Variants in LRRC4C observed in about 807,000 individuals in gnomAD.
LRRC4C encodes leucine rich repeat containing 4C, also known as leucine-rich repeat-containing protein 4C.
A neutral mutation model predicts 33.6 loss-of-function variants in LRRC4C; 5 were observed. The observed-to-expected ratio is 0.15, with a 90% CI of 0.08 to 0.31. LRRC4C has a LOEUF of 0.31. LRRC4C is among the 10% of genes least tolerant of loss of function. The probability of loss-of-function intolerance (pLI) is 1.00; values close to 1 mark genes in which losing one functional copy is unlikely to be tolerated. For missense variants in LRRC4C, 560 were observed against 796.7 expected, an observed-to-expected ratio of 0.70 and a Z score of 3.58; for synonymous variants, 329 against 302.0, an observed-to-expected ratio of 1.09 and a Z score of -0.93.
chr11:41,047,667 T>G (rs1390409501), intron 1 of LRRC4C, among the ~76,000 whole-genome samples: 2 of 152,226 alleles, frequency 1.3e-5, no homozygotes, highest in Non-Finnish European at 2.9e-5. Flanking sequence ...GAAATGCTCA[T>G]GACTCCTTGT....
intron 1 of LRRC4C, among the ~76,000 whole-genome samples, chr11:41,441,764 G>A (rs1488848964): frequency 6.6e-6 from 1 of 152,044 alleles, no homozygotes; most frequent in Non-Finnish European, 1.5e-5. Flanking sequence ...CCTTGACACT[G>A]TTAAGTCACA....
intron 2 of LRRC4C, among the ~76,000 whole-genome samples, chr11:40,792,501 G>A (rs527436759): frequency 1.3e-5 from 2 of 152,260 alleles, no homozygotes; most frequent in East Asian, 3.9e-4. Context: ...GTGTTGGAGA[G>A]GATGTGGAGA....
chr11:41,297,436 C>A (rs537451065), intron 1 of LRRC4C, among the ~76,000 whole-genome samples: 2 of 152,032 alleles, frequency 1.3e-5, no homozygotes, highest in African/African-American at 4.8e-5. Flanking sequence ...GCTCTATTTT[C>A]TTGGAAGAAT....
chr11:41,266,007 T>C (rs567795558), intron 1 of LRRC4C, among the ~76,000 whole-genome samples: 1 of 152,236 alleles, frequency 6.6e-6, no homozygotes, highest in Non-Finnish European at 1.5e-5. Flanking sequence ...TTATATCACA[T>C]GGTAGCTGGG....
At chr11:40,987,803 A>G (rs1853182681) in intron 1 of LRRC4C, among the ~76,000 whole-genome samples, 1 of 151,410 alleles carries the variant, frequency 6.6e-6, no homozygotes, top group Non-Finnish European at 1.5e-5. Context: ...CTCCTCACTT[A>G]CCACCCCATG....
At chr11:40,755,804 G>A (rs1948920358) in intron 2 of LRRC4C, among the ~76,000 whole-genome samples, 1 of 151,984 alleles carries the variant, frequency 6.6e-6, no homozygotes, top group East Asian at 1.9e-4. Context: ...GCAGCAATAA[G>A]GCAAAATAAA....
chr11:40,518,326 C>G (rs903316653), intron 3 of LRRC4C, among the ~76,000 whole-genome samples: 1 of 152,066 alleles, frequency 6.6e-6, no homozygotes, highest in African/African-American at 2.4e-5. Flanking sequence ...AACAGGCAAC[C>G]TACAGAATGG....
At chr11:41,435,737 T>C (rs565618088) in intron 1 of LRRC4C, among the ~76,000 whole-genome samples, 3 of 152,352 alleles carry the variant, frequency 2.0e-5, no homozygotes, top group Non-Finnish European at 4.4e-5. Flanking sequence ...GTGGGTTTCA[T>C]ATAGCACTAT....
intron 3 of LRRC4C, among the ~76,000 whole-genome samples, chr11:40,394,921 C>T (rs577811171): frequency 1.3e-5 from 2 of 152,146 alleles, no homozygotes; most frequent in Admixed American, 1.3e-4. Context: ...ACCTTGACGG[C>T]CTTAATGGTA....
At chr11:41,107,020 A>G (rs1590608414) in intron 1 of LRRC4C, among the ~76,000 whole-genome samples, 1 of 151,420 alleles carries the variant, frequency 6.6e-6, no homozygotes, top group East Asian at 1.9e-4. Flanking sequence ...TTTAAAAAAA[A>G]AATTAAATAC....
chr11:40,251,511 C>A (rs1275429656), intron 4 of LRRC4C, among the ~76,000 whole-genome samples: 2 of 152,138 alleles, frequency 1.3e-5, no homozygotes, highest in African/African-American at 2.4e-5. Flanking sequence ...CTTCCCCCAG[C>A]CTCATGCCCC....
At chr11:41,113,391 G>T (rs2135715725) in intron 1 of LRRC4C, among the ~76,000 whole-genome samples, 1 of 152,190 alleles carries the variant, frequency 6.6e-6, no homozygotes, top group East Asian at 1.9e-4. Flanking sequence ...CGGGCTGTGA[G>T]TTTACATTAA....
At position 40,876,368 on chromosome 11, in the gene LRRC4C, C is replaced by G. The variant is rs540747639; in HGVS notation, c.-407+57267G>C. On this transcript the variant is annotated intron_variant, in intron 2 of 6. Transcript: ENST00000528697. Reference sequence around the variant, plus strand: ...GAGAAAGAAGATCCTGGCTCAGTCTCGTTCAAAGTCCCTGATAATGTTTGA... The same window carrying G: ...GAGAAAGAAGATCCTGGCTCAGTCTGGTTCAAAGTCCCTGATAATGTTTGA... Among the ~76,000 whole-genome samples, 14 of 146,390 alleles carry G rather than the reference C, an allele frequency of 9.6e-5. No individual in the cohort carries two copies. In the South Asian group the frequency reaches 1.3e-3, roughly 14 times the overall value.
intron 5 of LRRC4C, among the ~76,000 whole-genome samples, chr11:40,141,947 T>A (rs180899155): frequency 5.3e-5 from 8 of 152,270 alleles, no homozygotes; most frequent in African/African-American, 1.9e-4. Context: ...CAAAATGTAT[T>A]TTAAAGATGA....
chr11:41,294,913 C>CA (rs1565555948), intron 1 of LRRC4C, among the ~76,000 whole-genome samples: 1 of 152,152 alleles, frequency 6.6e-6, no homozygotes. Context: ...TAAAGCCTAA[C>CA]AATCCCTCTT....
intron 2 of LRRC4C, among the ~76,000 whole-genome samples, chr11:40,700,329 T>C (rs1945807826): frequency 6.6e-6 from 1 of 152,138 alleles, no homozygotes; most frequent in Non-Finnish European, 1.5e-5. Flanking sequence ...TATTGTAATA[T>C]TCATTTACCT....
At chr11:40,442,007 C>G (rs1327878043) in intron 3 of LRRC4C, among the ~76,000 whole-genome samples, 3 of 151,498 alleles carry the variant, frequency 2.0e-5, no homozygotes, top group Non-Finnish European at 2.9e-5. Flanking sequence ...CTAAAAAATA[C>G]AAAAAATTAG....
At chr11:40,156,094 C>T (rs1858668942) in intron 5 of LRRC4C, among the ~76,000 whole-genome samples, 1 of 152,046 alleles carries the variant, frequency 6.6e-6, no homozygotes, top group Admixed American at 6.6e-5. Flanking sequence ...GGATTAAACA[C>T]AAAAATCACA....
chr11:41,453,474 G>T (rs1172677424), intron 1 of LRRC4C, among the ~76,000 whole-genome samples: 2 of 152,042 alleles, frequency 1.3e-5, no homozygotes, highest in African/African-American at 4.8e-5. Flanking sequence ...TTTACAGAAG[G>T]CTTGCTCTGG....
Sources: allele counts gnomAD v4.1 joint callset (sites outside exome capture counted in the v4.1 genomes callset), GRCh38; gene constraint gnomAD v4.1.1; transcripts MANE v1.5; gene names NCBI Gene and HGNC (gene_info 2026-07-23, HGNC 2026-07-21).